The following LPP variants were observed in gnomAD, a reference collection of about 807,000 sequenced individuals.
LPP encodes lipoma-preferred partner.
A neutral mutation model predicts 60.4 loss-of-function variants in LPP; 38 were observed. The observed-to-expected ratio is 0.63, with a 90% CI of 0.49 to 0.83. The LOEUF is 0.83. Ranked by LOEUF, LPP falls within the 40% of genes least tolerant of loss-of-function variation. The pLI, the probability that LPP is intolerant of heterozygous loss-of-function variation, is 0.00. For missense variants in LPP, 902 were observed against 783.6 expected (o/e 1.15, Z -1.80); for synonymous variants, 328 against 290.8 (o/e 1.13, Z -1.30).
intron 1 of LPP, among the ~76,000 whole-genome samples, chr3:188,158,125 T>C (rs1336500751): frequency 4.6e-5 from 7 of 152,096 alleles, no homozygotes; most frequent in African/African-American, 1.7e-4. Flanking sequence ...TGGATGGTAA[T>C]GCAGGAGGCA....
intron 4 of LPP, among the ~76,000 whole-genome samples, chr3:188,413,308 T>G (rs1054875576): frequency 1.3e-5 from 2 of 152,156 alleles, no homozygotes; most frequent in African/African-American, 4.8e-5. Flanking sequence ...TGCTCTGACT[T>G]TGGAGATACA....
chr3:188,791,845 T>C (rs192261067), intron 9 of LPP, among the ~76,000 whole-genome samples: 330 of 152,170 alleles, frequency 2.2e-3, no homozygotes, highest in African/African-American at 7.2e-3. Flanking sequence ...TTAGTATAGA[T>C]TTTGGTTTTG....
intron 4 of LPP, among the ~76,000 whole-genome samples, chr3:188,477,627 C>T (rs934682587): frequency 1.3e-5 from 2 of 152,096 alleles, no homozygotes; most frequent in East Asian, 3.9e-4. Context: ...GGAGATGACA[C>T]ATTTTCAGGT....
intron 5 of LPP, among the ~76,000 whole-genome samples, chr3:188,519,438 T>C (rs1423597673): frequency 6.6e-6 from 1 of 152,228 alleles, no homozygotes; most frequent in Non-Finnish European, 1.5e-5. Flanking sequence ...AGGAGCCTGT[T>C]CTAAATTAAA....
chr3:188,351,534 G>A (rs1368659967), intron 3 of LPP, among the ~76,000 whole-genome samples: 4 of 152,120 alleles, frequency 2.6e-5, no homozygotes. Flanking sequence ...TTAAACAGAT[G>A]GAAAGAAGTA....
chr3:188,318,346 C>T (rs1399878832), intron 2 of LPP, among the ~76,000 whole-genome samples: 1 of 150,620 alleles, frequency 6.6e-6, no homozygotes, highest in Non-Finnish European at 1.5e-5. Context: ...GGCTCCATGA[C>T]GTGGTTTCTA....
intron 1 of LPP, among the ~76,000 whole-genome samples, chr3:188,215,696 T>A (rs1472582280): frequency 6.6e-6 from 1 of 152,218 alleles, no homozygotes; most frequent in South Asian, 2.1e-4. Flanking sequence ...TTAACCTCCA[T>A]GTTATAGAAG....
intron 2 of LPP, among the ~76,000 whole-genome samples, chr3:188,239,321 A>G (rs1008511700): frequency 5.3e-5 from 8 of 152,206 alleles, no homozygotes; most frequent in Admixed American, 4.6e-4. Context: ...AATTTAATAC[A>G]GTTGTTGCTT....
intron 9 of LPP, among the ~76,000 whole-genome samples, chr3:188,776,597 C>T (rs1211564447): frequency 6.6e-6 from 1 of 152,122 alleles, no homozygotes; most frequent in African/African-American, 2.4e-5. Context: ...GGCCAAAATT[C>T]CTTTGTTTTG....
rs7631255 is a variant in LPP, at chr3:188,463,612, G to C, written c.194-20980G>C. On this transcript the variant is annotated intron_variant, in intron 4 of 11. Coordinates refer to ENST00000617246, the MANE Select transcript of LPP (RefSeq NM_001375462.1). ...ATATCTTCAAAAAGAAAGAAGACTT[G>C]CAAGAGTCCAATGCTGCATAATATT... is the stretch of plus-strand genomic sequence containing the variant. Among the ~76,000 whole-genome samples, 5 of 152,086 alleles carry C rather than the reference G, an allele frequency of 3.3e-5. No individual in the cohort carries two copies. In the South Asian group the frequency reaches 1.0e-3, roughly 32 times the overall value.
At chr3:188,360,517 C>T (rs1768961855) in intron 3 of LPP, among the ~76,000 whole-genome samples, 1 of 151,888 alleles carries the variant, frequency 6.6e-6, no homozygotes, top group East Asian at 1.9e-4. Flanking sequence ...GTCTGAATTA[C>T]ATAACTTTTT....
intron 7 of LPP, among the ~76,000 whole-genome samples, chr3:188,614,874 T>C (rs775275903): frequency 1.3e-5 from 2 of 152,120 alleles, no homozygotes; most frequent in Non-Finnish European, 2.9e-5. Flanking sequence ...GAAGCACCCA[T>C]TAAATCCCTG....
chr3:188,190,090 C>G (rs1249511327), intron 1 of LPP, among the ~76,000 whole-genome samples: 1 of 145,730 alleles, frequency 6.9e-6, no homozygotes, highest in Non-Finnish European at 1.5e-5. Flanking sequence ...AAGTTTCGCT[C>G]TGTCACCCAG....
At chr3:188,492,591 G>A (rs186370689) in intron 5 of LPP, among the ~76,000 whole-genome samples, 1 of 152,272 alleles carries the variant, frequency 6.6e-6, no homozygotes, top group East Asian at 1.9e-4. Flanking sequence ...AGCTACTCCA[G>A]AGGCTGATGC....
At chr3:188,374,095 G>A (rs1204533285) in intron 3 of LPP, among the ~76,000 whole-genome samples, 2 of 152,192 alleles carry the variant, frequency 1.3e-5, no homozygotes, top group Non-Finnish European at 2.9e-5. Flanking sequence ...GTACCATGCT[G>A]CTTTGGTTAC....
At chr3:188,791,657 T>C (rs1189674066) in intron 9 of LPP, among the ~76,000 whole-genome samples, 1 of 152,130 alleles carries the variant, frequency 6.6e-6, no homozygotes, top group Non-Finnish European at 1.5e-5. Flanking sequence ...GATCTTTCTG[T>C]ACCTAGAACA....
rs1793886236 is a variant in LPP, at chr3:188,441,609, C to CTTTCTTTT, written c.193+35299_193+35300insCTTTTTTT. 2.2e-4 allele frequency among the ~76,000 whole-genome samples: 12 copies of CTTTCTTTT among 55,652 alleles called. 1 individual carries two copies. The highest frequency in any genetic ancestry group is 8.6e-4 in the South Asian group (1 of 1,164). The allele number at this position is 55,652 out of a possible 152,430, so 36.5% of individuals were successfully genotyped here. ...ACAGTTTCTTTTTTTCTTTTCTTTT[C>CTTTCTTTT]TTTTTTTTTTTTTTTTTTTTTTTTT... On this transcript the variant is annotated intron_variant, in intron 4 of 11. Transcript: ENST00000617246.
At chr3:188,651,357 C>A (rs901693828) in intron 7 of LPP, among the ~76,000 whole-genome samples, 2 of 152,058 alleles carry the variant, frequency 1.3e-5, no homozygotes. Context: ...GTAGAGATGG[C>A]CTGGCTTTTG....
intron 7 of LPP, among the ~76,000 whole-genome samples, chr3:188,639,377 A>C (rs1208955200): frequency 6.6e-6 from 1 of 151,132 alleles, no homozygotes; most frequent in Non-Finnish European, 1.5e-5. Context: ...AAGATGGATT[A>C]AAGACTTAAA....
Sources: gnomAD v4.1 joint callset for allele counts (sites outside exome capture counted in the v4.1 genomes callset) on GRCh38, gnomAD v4.1.1 for gene constraint, MANE v1.5 for transcripts, NCBI Gene and HGNC (gene_info 2026-07-23, HGNC 2026-07-21) for gene names.